LRRIQ1: variants seen among roughly 807,000 people sequenced by gnomAD.
The protein encoded by LRRIQ1 is leucine-rich repeat- and IQ domain-containing protein 1.
A neutral mutation model predicts 211.9 loss-of-function variants in LRRIQ1; 210 were observed. That is an observed-to-expected ratio of 0.99 (90% CI 0.89 to 1.11). LRRIQ1 has a LOEUF of 1.11. Ranked by LOEUF, LRRIQ1 falls within the 50% of genes most tolerant of loss-of-function variation. The pLI, the probability that LRRIQ1 is intolerant of heterozygous loss-of-function variation, is 0.00. For synonymous variants in LRRIQ1, 699 were observed against 650.1 expected, an observed-to-expected ratio of 1.08 and a Z score of -1.14; for missense variants, 2,136 against 1,939.5, an observed-to-expected ratio of 1.10 and a Z score of -1.90.
At chr12:85,246,672 A>G (rs995464133), downstream of LRRIQ1, among the ~76,000 whole-genome samples, 14 of 151,480 alleles carry the variant, frequency 9.2e-5, no homozygotes, top group African/African-American at 2.4e-4. Flanking sequence ...AAATAATGCA[A>G]TTCTCACTGT....
At chr12:85,039,736 T>C (rs1406844401) in intron 2 of LRRIQ1, among the ~76,000 whole-genome samples, 2 of 151,614 alleles carry the variant, frequency 1.3e-5, no homozygotes, top group African/African-American at 2.4e-5. Flanking sequence ...TTCTTCTATA[T>C]AGAAGCATTT....
chr12:85,261,702 G>C (rs1896292751), intron 1 of LRRIQ1, among the ~76,000 whole-genome samples: 1 of 151,694 alleles, frequency 6.6e-6, no homozygotes, highest in South Asian at 2.1e-4. Context: ...ATACAGCCCT[G>C]TGCTCTTGCT....
intron 24 of LRRIQ1, among the ~76,000 whole-genome samples, chr12:85,177,997 GAGAGAT>G: frequency 6.6e-6 from 1 of 152,092 alleles, no homozygotes; most frequent in South Asian, 2.1e-4. Flanking sequence ...ACCTATCTCA[GAGAGAT>G]GTTGTGAGGA....
the LRRIQ1 span, among the ~76,000 whole-genome samples, chr12:85,270,975 G>A: frequency 2.3e-3 from 348 of 152,244 alleles, 3 homozygotes; most frequent in African/African-American, 7.9e-3. Context: ...AGCCAAACTT[G>A]CTTATCTGTA....
rs1310144769 is a variant in LRRIQ1 at position 85,121,739 on chromosome 12, T to C, written c.3420T>C (p.Asn1140=). 6.2e-7 allele frequency: 1 copy of C among 1,601,142 alleles called. No homozygotes were observed. Among genetic ancestry groups the C allele is most frequent in the Non-Finnish European group, 8.5e-7 (1 of 1,174,262 alleles). The change falls in exon 16 of 27, where the codon AAT becomes AAC. Residue 1140 remains asparagine (N), a synonymous_variant. Transcript: ENST00000393217. ...LKVLPALRIL[N]GNILNSNSES... ...TGTTGCCTGCTCTGAGAATCCTCAA[T>C]GGCAATATACTAAACTCTAATTCAG...
At chr12:85,105,458 G>A (rs1294782578) in intron 14 of LRRIQ1, among the ~76,000 whole-genome samples, 3 of 151,540 alleles carry the variant, frequency 2.0e-5, no homozygotes, top group African/African-American at 7.3e-5. Context: ...TTTCATAATC[G>A]AATTACTTTG....
chr12:85,045,870 T>A (rs1026848221), intron 4 of LRRIQ1, 150 bp from the exon 5 acceptor site: 6 of 430,830 alleles, frequency 1.4e-5, no homozygotes, highest in Non-Finnish European at 2.4e-5. Flanking sequence ...AGAATAATTA[T>A]CAATGTGCTG....
chr12:85,070,688 G>T (rs1015232545), intron 10 of LRRIQ1, among the ~76,000 whole-genome samples: 2 of 151,468 alleles, frequency 1.3e-5, no homozygotes, highest in African/African-American at 2.4e-5. Context: ...TCTGTTATTC[G>T]TTTTGATACT....
At chr12:85,236,352 C>T (rs1049081477) in intron 26 of LRRIQ1, among the ~76,000 whole-genome samples, 3 of 152,094 alleles carry the variant, frequency 2.0e-5, no homozygotes, top group African/African-American at 7.2e-5. Flanking sequence ...CCTCATTTAA[C>T]AGAGCTTAAT....
chr12:85,168,941 A>C (rs191104298), intron 24 of LRRIQ1, among the ~76,000 whole-genome samples: 1 of 152,286 alleles, frequency 6.6e-6, no homozygotes, highest in East Asian at 1.9e-4. Context: ...TACCATGGCA[A>C]CAACATATCA....
intron 23 of LRRIQ1, among the ~76,000 whole-genome samples, chr12:85,157,964 A>T (rs1041404443): frequency 5.3e-5 from 8 of 151,930 alleles, no homozygotes; most frequent in Admixed American, 4.6e-4. Context: ...TAACTAAAGA[A>T]TGTTAAGGGG....
At chr12:85,262,836 TTAAA>T in intron 1 of LRRIQ1, 1 of 725,388 alleles carries the variant, frequency 1.4e-6, no homozygotes, top group African/African-American at 1.9e-5. Context: ...TGTTTTTGAC[TTAAA>T]TATATTTCTT....
intron 15 of LRRIQ1, among the ~76,000 whole-genome samples, chr12:85,114,858 T>A (rs575148803): frequency 2.8e-4 from 43 of 152,244 alleles, no homozygotes; most frequent in Admixed American, 2.8e-3. Context: ...AAATATGGAT[T>A]TATTAATCAA....
intron 26 of LRRIQ1, among the ~76,000 whole-genome samples, chr12:85,236,830 C>CATATATATATATATATATATATATATAT (rs60371759): frequency 2.8e-4 from 30 of 108,784 alleles, no homozygotes; most frequent in East Asian, 1.5e-3. Context: ...TGTATGTGTG[C>CATATATATATATATATATATATATATAT]ATATATATAT....
chr12:85,183,080 T>C (rs1892063553), intron 24 of LRRIQ1, among the ~76,000 whole-genome samples: 1 of 152,226 alleles, frequency 6.6e-6, no homozygotes, highest in African/African-American at 2.4e-5. Flanking sequence ...AAATAAAATC[T>C]GTGCCTAATT....
intron 11 of LRRIQ1, among the ~76,000 whole-genome samples, chr12:85,086,084 C>T (rs1565819691): frequency 6.6e-6 from 1 of 152,162 alleles, no homozygotes; most frequent in African/African-American, 2.4e-5. Flanking sequence ...TCTGCAACCT[C>T]TCCAACATCT....
chr12:85,151,090 G>A (rs1416889906), intron 19 of LRRIQ1, among the ~76,000 whole-genome samples: 2 of 151,022 alleles, frequency 1.3e-5, no homozygotes, highest in Non-Finnish European at 3.0e-5. Context: ...CTGACAAATA[G>A]CAATTCTTCA....
At chr12:85,206,589 G>C (rs1893559798) in intron 24 of LRRIQ1, among the ~76,000 whole-genome samples, 1 of 152,112 alleles carries the variant, frequency 6.6e-6, no homozygotes, top group African/African-American at 2.4e-5. Context: ...GGGTGAGGGG[G>C]TGCTCCTGCA....
At chr12:85,113,736 A>G (rs1887351445) in intron 15 of LRRIQ1, among the ~76,000 whole-genome samples, 1 of 152,158 alleles carries the variant, frequency 6.6e-6, no homozygotes, top group Non-Finnish European at 1.5e-5. Flanking sequence ...AGTAATTGTC[A>G]GTATCAGGAA....
Sources: allele counts gnomAD v4.1 joint callset (sites outside exome capture counted in the v4.1 genomes callset), GRCh38; gene constraint gnomAD v4.1.1; transcripts MANE v1.5; gene names NCBI Gene and HGNC (gene_info 2026-07-23, HGNC 2026-07-21).